FAM13A: variants seen among roughly 807,000 people sequenced by gnomAD.
FAM13A encodes protein FAM13A.
Under a neutral mutation model 129.6 loss-of-function variants are expected in FAM13A, and 76 were observed. The ratio of observed to expected loss-of-function variants is 0.59; its 90% CI spans 0.49 to 0.71. FAM13A has a LOEUF of 0.71. Ranked by LOEUF, FAM13A falls within the 30% of genes least tolerant of loss-of-function variation. FAM13A has a pLI of 0.00. For missense variants in FAM13A, 1,108 were observed against 1,249.3 expected, an observed-to-expected ratio of 0.89 and a Z score of 1.70; for synonymous variants, 443 against 449.9, an observed-to-expected ratio of 0.98 and a Z score of 0.20.
intron 4 of FAM13A, chr4:88,990,756 T>A (rs1762828103): frequency 2.4e-6 from 1 of 424,276 alleles, no homozygotes; most frequent in East Asian, 3.4e-5. Flanking sequence ...GCTATTTGAT[T>A]TATTGCAAAT....
At chr4:88,985,259 T>C (rs1226601878) in intron 4 of FAM13A, among the ~76,000 whole-genome samples, 1 of 152,100 alleles carries the variant, frequency 6.6e-6, no homozygotes, top group Non-Finnish European at 1.5e-5. Flanking sequence ...ACACAGAAAG[T>C]AGATGAGTGG....
intron 6 of FAM13A, among the ~76,000 whole-genome samples, chr4:88,895,051 G>C (rs868800627): frequency 3.0e-4 from 46 of 151,976 alleles, no homozygotes; most frequent in African/African-American, 1.0e-3. Flanking sequence ...ATTCAAAATG[G>C]CTAAATATGA....
At chr4:88,949,939 T>G (rs1386087828) in intron 4 of FAM13A, among the ~76,000 whole-genome samples, 1 of 152,164 alleles carries the variant, frequency 6.6e-6, no homozygotes, top group African/African-American at 2.4e-5. Context: ...CATCAACAAT[T>G]ACCCAACCAT....
intron 5 of FAM13A, among the ~76,000 whole-genome samples, chr4:88,933,442 C>T (rs934204190): frequency 1.2e-4 from 18 of 152,078 alleles, no homozygotes; most frequent in African/African-American, 4.3e-4. Context: ...CATCTCTTTG[C>T]CTTCTCCTTT....
At chr4:88,976,744 C>T (rs974629253) in intron 4 of FAM13A, among the ~76,000 whole-genome samples, 21 of 50,776 alleles carry the variant, frequency 4.1e-4, no homozygotes, top group Non-Finnish European at 8.4e-4. Flanking sequence ...AGAGCAATTT[C>T]CAGTCCTACA....
rs35334263 is a variant in FAM13A at position 89,028,050 on chromosome 4, C to CAA, written c.217+1408_217+1409dup. Among the ~76,000 whole-genome samples, 1,203 of 139,486 alleles carry CAA rather than the reference C, an allele frequency of 8.6e-3. 23 individuals carry two copies. Among genetic ancestry groups the CAA allele is most frequent in the African/African-American group, 0.03 (1,119 of 37,376 alleles). 91.5% of individuals were successfully genotyped at this position (139,486 alleles called of 152,430 possible). On this transcript the variant is annotated intron_variant, in intron 2 of 23. Coordinates refer to ENST00000264344, the MANE Select transcript of FAM13A (RefSeq NM_014883.4). ...TGAAATCCCATCTCTACTAATAATA[C>CAA]AAAAAAAAAAAAAAATAGCTGGGTG...
intron 5 of FAM13A, among the ~76,000 whole-genome samples, chr4:88,907,892 CT>C (rs1450636191): frequency 6.6e-6 from 1 of 152,194 alleles, no homozygotes; most frequent in Non-Finnish European, 1.5e-5. Flanking sequence ...AGATGAGGGA[CT>C]TGGATTCTAA....
Position 88,768,278 on chromosome 4 carries a change from CAT to C in FAM13A, c.1459-221_1459-220del, listed in dbSNP as rs1746091053. On this transcript the variant is annotated intron_variant, in intron 11 of 23. Coordinates refer to ENST00000264344, the MANE Select transcript of FAM13A (RefSeq NM_014883.4). Reference sequence around the variant, plus strand: ...GAACTTCTAACATCCTTTTAACAAACATATGTGACAGCATCACAGAAATGGCC... The same window carrying C: ...GAACTTCTAACATCCTTTTAACAAACATGTGACAGCATCACAGAAATGGCC... The C allele has an allele frequency of 1.6e-5, 6 of 372,774 alleles. No individual in the cohort carries two copies. The South Asian group carries it at 3.4e-4, about 21-fold the overall frequency. 23.1% of individuals were successfully genotyped at this position (372,774 alleles called of 1,614,324 possible).
At chr4:88,816,189 T>G (rs1486918263) in intron 7 of FAM13A, among the ~76,000 whole-genome samples, 1 of 152,074 alleles carries the variant, frequency 6.6e-6, no homozygotes, top group Non-Finnish European at 1.5e-5. Context: ...ACTGCATTAA[T>G]GAATACAGTA....
At position 88,737,638 on chromosome 4, in the gene FAM13A, GTATT is replaced by G. The variant is rs545484335; in HGVS notation, c.2563-87_2563-84del. On this transcript the variant is annotated intron_variant, in intron 20 of 23. Transcript: ENST00000264344. The stretch of plus-strand genomic sequence containing the variant: ...CTCTCGGCCTCCTCTGACCTCACCA[GTATT>G]TATTAACTTTTAACTCTGCATTCTT... 5.7e-5 allele frequency: 60 copies of G among 1,054,286 alleles called. No individual in the cohort carries two copies. The East Asian group carries it at 8.4e-4, about 15-fold the overall frequency. 65.3% of individuals were successfully genotyped at this position (1,054,286 alleles called of 1,614,324 possible).
intron 8 of FAM13A, among the ~76,000 whole-genome samples, chr4:88,801,046 C>CA (rs893478945): frequency 0.011 from 1,666 of 148,448 alleles, 12 homozygotes; most frequent in African/African-American, 0.028. Flanking sequence ...AAGCATAATA[C>CA]AAAAAAAAAA....
At chr4:89,027,115 C>A (rs1768062656) in intron 2 of FAM13A, among the ~76,000 whole-genome samples, 1 of 152,160 alleles carries the variant, frequency 6.6e-6, no homozygotes, top group African/African-American at 2.4e-5. Context: ...TAGTACCAAA[C>A]CCTATATATA....
At chr4:89,011,471 C>T (rs1353249646) in intron 3 of FAM13A, among the ~76,000 whole-genome samples, 1 of 152,150 alleles carries the variant, frequency 6.6e-6, no homozygotes, top group Non-Finnish European at 1.5e-5. Context: ...TCTAGATGTT[C>T]TCTCTGCATG....
At chr4:88,758,480 C>T (rs1242855384) in intron 14 of FAM13A, among the ~76,000 whole-genome samples, 2 of 151,734 alleles carry the variant, frequency 1.3e-5, no homozygotes, top group African/African-American at 4.8e-5. Flanking sequence ...TATCAGCACT[C>T]CCGGTGAGTC....
intron 1 of FAM13A, among the ~76,000 whole-genome samples, chr4:89,048,350 T>G (rs1210468931): frequency 6.6e-6 from 1 of 152,148 alleles, no homozygotes; most frequent in African/African-American, 2.4e-5. Context: ...AAAAATATTA[T>G]GCTAAGTGAA....
intron 5 of FAM13A, among the ~76,000 whole-genome samples, chr4:88,913,007 A>G (rs1749338656): frequency 6.9e-6 from 1 of 145,734 alleles, no homozygotes; most frequent in Non-Finnish European, 1.5e-5. Flanking sequence ...AGAAGGAAGA[A>G]GAGGAGGAGG....
chr4:88,956,945 T>C (rs1757846494), intron 4 of FAM13A, among the ~76,000 whole-genome samples: 1 of 152,226 alleles, frequency 6.6e-6, no homozygotes, highest in Non-Finnish European at 1.5e-5. Context: ...GTTTGGATCA[T>C]GAGAACAGTT....
At chr4:88,899,913 G>A (rs948543699) in intron 6 of FAM13A, among the ~76,000 whole-genome samples, 1 of 152,058 alleles carries the variant, frequency 6.6e-6, no homozygotes, top group Admixed American at 6.6e-5. Context: ...CTGATAGCCA[G>A]AACAGCCAGT....
At chr4:88,980,482 A>T (rs186952444) in intron 4 of FAM13A, among the ~76,000 whole-genome samples, 1 of 152,356 alleles carries the variant, frequency 6.6e-6, no homozygotes, top group East Asian at 1.9e-4. Flanking sequence ...GCAATGAAGT[A>T]GGTGCTACAT....
Sources: allele counts gnomAD v4.1 joint callset (sites outside exome capture counted in the v4.1 genomes callset), GRCh38; gene constraint gnomAD v4.1.1; transcripts MANE v1.5; gene names NCBI Gene and HGNC (gene_info 2026-07-23, HGNC 2026-07-21).